The following SEC61A2 variants were observed in gnomAD, a reference collection of about 807,000 sequenced individuals.
SEC61A2 encodes SEC61 translocon subunit alpha 2.
Under a neutral mutation model 59.9 loss-of-function variants are expected in SEC61A2, and 28 were observed. That is an observed-to-expected ratio of 0.47 (90% CI 0.35 to 0.64). The LOEUF (loss-of-function observed/expected upper bound fraction) is 0.64. Ranked by LOEUF, SEC61A2 falls within the 30% of genes least tolerant of loss-of-function variation. The pLI is 0.01. For missense variants in SEC61A2, 340 were observed against 585.9 expected, an observed-to-expected ratio of 0.58 and a Z score of 4.33; for synonymous variants, 202 against 214.4, an observed-to-expected ratio of 0.94 and a Z score of 0.50.
chr10:12,141,002 C>G (rs371785952), intron 3 of SEC61A2, among the ~76,000 whole-genome samples: 1 of 152,082 alleles, frequency 6.6e-6, no homozygotes, highest in East Asian at 1.9e-4. Flanking sequence ...CAGGTTCAAG[C>G]GATTCTCCTA....
At chr10:12,159,145 T>TC (rs1834475582) in intron 9 of SEC61A2, among the ~76,000 whole-genome samples, 1 of 151,310 alleles carries the variant, frequency 6.6e-6, no homozygotes. Flanking sequence ...GCCCAGCTAA[T>TC]TTTTTGTATT....
chr10:12,146,852 CT>C lies in SEC61A2; in HGVS notation c.221-2740del, dbSNP rs572627292. On this transcript the variant is annotated intron_variant, in intron 4 of 11. Transcript: ENST00000298428. Reference sequence around the variant, plus strand: ...ACTTTTTAATTGATTTGTAAGAGCTCTTTGCACATGAGAGATAAGAACTTTT... The same window carrying C: ...ACTTTTTAATTGATTTGTAAGAGCTCTTGCACATGAGAGATAAGAACTTTT... Among the ~76,000 whole-genome samples, 300 of 151,952 alleles carry C rather than the reference CT, an allele frequency of 2.0e-3. 3 individuals carry two copies. The highest frequency in any genetic ancestry group is 6.8e-3 in the African/African-American group (282 of 41,458).
Position 12,154,526 on chromosome 10 carries a change from G to A in SEC61A2, c.463-1252G>A, listed in dbSNP as rs1251598549. ...TCTGTTCACTAATTACATGATTGTG[G>A]TTAAATAGAATCGGTAGTAAGTCCT... On this transcript the variant is annotated intron_variant, in intron 6 of 11. Coordinates refer to ENST00000298428, the MANE Select transcript of SEC61A2 (RefSeq NM_018144.4). The surrounding 1 kb of genome is among the most constrained non-coding windows in gnomAD (Gnocchi z 5.2). 6.6e-6 allele frequency among the ~76,000 whole-genome samples: 1 copy of A among 152,164 alleles called. No individual in the cohort carries two copies. Among genetic ancestry groups the A allele is most frequent in the Non-Finnish European group, 1.5e-5 (1 of 68,022 alleles).
At chr10:12,157,776 C>T in intron 8 of SEC61A2, 132 bp from the exon 9 acceptor site, 3 of 781,392 alleles carry the variant, frequency 3.8e-6, no homozygotes, top group Non-Finnish European at 6.2e-6. Flanking sequence ...GTTGGGATTA[C>T]AGGCCTGAGC....
rs1432362911 is a variant in SEC61A2, at chr10:12,161,434, G to A, written c.1167+313G>A. Among the ~76,000 whole-genome samples the A allele has an allele frequency of 1.3e-5, 2 of 151,518 alleles. No homozygotes were observed. Among genetic ancestry groups the A allele is most frequent in the African/African-American group, 2.4e-5 (1 of 41,190 alleles). Reference sequence around the variant, plus strand: ...TGCACTCCAGCCTGGGTGACAGAGCGAGATCCTGTCTCAAAAAAATAAAAA... The same window carrying A: ...TGCACTCCAGCCTGGGTGACAGAGCAAGATCCTGTCTCAAAAAAATAAAAA... On this transcript the variant is annotated intron_variant, in intron 10 of 11. Transcript: ENST00000298428. The surrounding 1 kb of genome is among the most constrained non-coding windows in gnomAD (Gnocchi z 5.4).
chr10:12,163,145 C>T (rs990458365), intron 11 of SEC61A2, among the ~76,000 whole-genome samples: 1 of 152,076 alleles, frequency 6.6e-6, no homozygotes, highest in African/African-American at 2.4e-5. Context: ...CCACTGCTGC[C>T]TGTCCTCGCC....
intron 4 of SEC61A2, among the ~76,000 whole-genome samples, chr10:12,148,085 C>T (rs1588637691): frequency 1.3e-5 from 2 of 151,636 alleles, no homozygotes; most frequent in East Asian, 1.9e-4. Context: ...GGACTACAGG[C>T]GCCCACCACC....
At chr10:12,131,682 C>CTTTT (rs1199525836) in intron 1 of SEC61A2, among the ~76,000 whole-genome samples, 1,846 of 46,570 alleles carry the variant, frequency 0.04, 452 homozygotes, top group Non-Finnish European at 0.055. Context: ...GATTACATAC[C>CTTTT]TTTTTTTTTT....
chr10:12,150,868 G>A (rs555750865), intron 6 of SEC61A2, among the ~76,000 whole-genome samples: 2 of 151,420 alleles, frequency 1.3e-5, no homozygotes, highest in African/African-American at 4.9e-5. Context: ...TCTGTCTCCC[G>A]TGTTCAAGCA....
At position 12,155,499 on chromosome 10, in the gene SEC61A2, A is replaced by G; in HGVS notation, c.463-279A>G. ...TGTGCTTTTCAAACAGGCTTTATTT[A>G]AACATTGCAAAAGAAACTATTCAGA... is the stretch of plus-strand genomic sequence containing the variant. On this transcript the variant is annotated intron_variant, in intron 6 of 11. Transcript: ENST00000298428. This position sits in a 1 kb window ranked among gnomAD's most constrained non-coding sequence, Gnocchi z 4.3. 1 of 715,422 alleles carries G rather than the reference A, an allele frequency of 1.4e-6. No homozygotes were observed. Among genetic ancestry groups the G allele is most frequent in the Non-Finnish European group, 2.2e-6 (1 of 451,502 alleles). 44.3% of individuals were successfully genotyped at this position (715,422 alleles called of 1,614,324 possible).
chr10:12,157,056 A>C lies in SEC61A2; in HGVS notation c.766A>C (p.Ile256Leu), dbSNP rs751807393. The stretch of plus-strand genomic sequence containing the variant: ...TACAGTTTTTGTGTTTGCTGTTGTT[A>C]TATATTTCCAAGTAAGTATAACCTT... The part of the protein sequence containing the change: ...IATVFVFAVV[I>L]YFQGFRVDLP... Residue 256 changes from isoleucine (I) to leucine (L), a missense_variant, in exon 8 of 12, where the codon ATA becomes CTA. Coordinates refer to ENST00000298428, the MANE Select transcript of SEC61A2 (RefSeq NM_018144.4). The C allele has an allele frequency of 1.9e-6, 3 of 1,613,834 alleles. No individual in the cohort carries two copies. In the African/African-American group the frequency reaches 4.0e-5, roughly 22 times the overall value.
At chr10:12,140,987 C>T (rs1430047662) in intron 3 of SEC61A2, among the ~76,000 whole-genome samples, 1 of 151,986 alleles carries the variant, frequency 6.6e-6, no homozygotes, top group African/African-American at 2.4e-5. Context: ...GCAACCTCTG[C>T]CTCCCAGGTT....
chr10:12,146,588 G>C (rs901659376), intron 4 of SEC61A2, among the ~76,000 whole-genome samples: 1 of 150,440 alleles, frequency 6.6e-6, no homozygotes, highest in Non-Finnish European at 1.5e-5. Context: ...CGCGATGTCA[G>C]CTCACTGCAA....
Position 12,164,160 on chromosome 10 carries a change from G to A in SEC61A2, c.1245-108G>A. 1 of 1,281,666 alleles carries A rather than the reference G, an allele frequency of 7.8e-7. No homozygotes were observed. Among genetic ancestry groups the A allele is most frequent in the Admixed American group, 2.6e-5 (1 of 37,986 alleles). 79.4% of individuals were successfully genotyped at this position (1,281,666 alleles called of 1,614,324 possible). Reference sequence around the variant, plus strand: ...CAGCCTGTTCCCTCTGGAGTTCAGGGAGGCTTTAGACCCAGCTATGGCTGC... The same window carrying A: ...CAGCCTGTTCCCTCTGGAGTTCAGGAAGGCTTTAGACCCAGCTATGGCTGC... On this transcript the variant is annotated intron_variant, in intron 11 of 11. Transcript: ENST00000298428. This position sits in a 1 kb window ranked among gnomAD's most constrained non-coding sequence, Gnocchi z 7.3.
chr10:12,129,668 G>T, upstream of SEC61A2: 2 of 1,005,150 alleles, frequency 2.0e-6, no homozygotes, highest in Non-Finnish European at 2.9e-6. This position sits in a 1 kb window ranked among gnomAD's most constrained non-coding sequence, Gnocchi z 5.6. Flanking sequence ...GGGGTTGGGC[G>T]GAGCCTGCGC....
chr10:12,165,091 C>T lies in SEC61A2; in HGVS notation c.*637C>T, dbSNP rs1403215737. On this transcript the variant is annotated 3_prime_UTR_variant, in exon 12 of 12. Transcript: ENST00000298428. Reference sequence around the variant, plus strand: ...CTTCCTCCTTTTCCTTCTCCTCCTCCTCTCTTCCCAGTGACAGCATCATCG... The same window carrying T: ...CTTCCTCCTTTTCCTTCTCCTCCTCTTCTCTTCCCAGTGACAGCATCATCG... The T allele has an allele frequency of 6.1e-6, 6 of 986,888 alleles. No homozygotes were observed. The highest frequency in any genetic ancestry group is 7.2e-6 in the Non-Finnish European group (6 of 830,438). 61.1% of individuals were successfully genotyped at this position (986,888 alleles called of 1,614,324 possible). A position where few individuals can be genotyped will look rare whatever the true frequency, so the allele number is the denominator to read the frequency against.
At chr10:12,136,648 G>A (rs1427471134) in intron 3 of SEC61A2, among the ~76,000 whole-genome samples, 1 of 151,942 alleles carries the variant, frequency 6.6e-6, no homozygotes, top group Non-Finnish European at 1.5e-5. Context: ...TTTATTTTTT[G>A]AGATGGAGTT....
At position 12,164,552 on chromosome 10, in the gene SEC61A2, A is replaced by G. The variant is rs774075653; in HGVS notation, c.*98A>G. The G allele has an allele frequency of 7.5e-5, 113 of 1,515,308 alleles. No individual in the cohort carries two copies. The highest frequency in any genetic ancestry group is 1.9e-4 in the Middle Eastern group (1 of 5,346). The allele number at this position is 1,515,308 out of a possible 1,614,324, so 93.9% of individuals were successfully genotyped here. ...GGTGGCTCCCCTTTTCTCCCCTCAC[A>G]GTTTCTTGTTTCGAGTGCTGACTGA... is the stretch of plus-strand genomic sequence containing the variant. On this transcript the variant is annotated 3_prime_UTR_variant, in exon 12 of 12. Coordinates refer to ENST00000298428, the MANE Select transcript of SEC61A2 (RefSeq NM_018144.4). The surrounding 1 kb of genome is among the most constrained non-coding windows in gnomAD (Gnocchi z 7.3).
chr10:12,138,509 G>A (rs1386209164), intron 3 of SEC61A2, among the ~76,000 whole-genome samples: 4 of 152,086 alleles, frequency 2.6e-5, no homozygotes, highest in Non-Finnish European at 4.4e-5. Context: ...TGTCATCCCC[G>A]AAGTTCACTG....
Sources: allele counts gnomAD v4.1 joint callset (sites outside exome capture counted in the v4.1 genomes callset), GRCh38; gene constraint gnomAD v4.1.1; non-coding constraint Gnocchi (gnomAD v3.1); transcripts MANE v1.5; gene names NCBI Gene and HGNC (gene_info 2026-07-23, HGNC 2026-07-21).